Variants in TENM1 observed in about 807,000 individuals in gnomAD.
TENM1 encodes the protein teneurin transmembrane protein 1, also known as teneurin-1.
A neutral mutation model predicts 174.8 loss-of-function variants in TENM1; 35 were observed. That is an observed-to-expected ratio of 0.20 (90% CI 0.15 to 0.27). The LOEUF (loss-of-function observed/expected upper bound fraction) is 0.27. Ranked by LOEUF, TENM1 falls within the 10% of genes least tolerant of loss-of-function variation. The probability of loss-of-function intolerance (pLI) is 1.00; values close to 1 mark genes in which losing one functional copy is unlikely to be tolerated. For missense variants in TENM1, 1,633 were observed against 2,130.1 expected (o/e 0.77, Z 4.59); for synonymous variants, 781 against 798.7 (o/e 0.98, Z 0.37).
At chrX:124,617,083 T>C (rs2050414709) in intron 11 of TENM1, among the ~76,000 whole-genome samples, 1 of 112,255 alleles carries the variant, frequency 8.9e-6, no homozygotes, top group Non-Finnish European at 1.9e-5. Context: ...GCTGTTTTTA[T>C]AATTTTAAAA....
intron 30 of TENM1, among the ~76,000 whole-genome samples, chrX:124,383,227 G>A (rs781605767): frequency 1.8e-5 from 2 of 110,998 alleles, no homozygotes; most frequent in East Asian, 2.8e-4. Flanking sequence ...TTACAGGTGT[G>A]AGCCACCGCA....
In TENM1 at chrX:124,836,881, C is replaced by T. The variant is rs184318561; in HGVS notation, c.535+57415G>A. On this transcript the variant is annotated intron_variant, in intron 3 of 31. Transcript: ENST00000422452. ...TTTTTTGAGTTTGGTTCTTTACTGT[C>T]GCTCTCACAGTATATGTTTTGGATC... Among the ~76,000 whole-genome samples the T allele has an allele frequency of 6.3e-5, 7 of 111,738 alleles. No homozygotes were observed. The East Asian group carries it at 2.0e-3, about 32-fold the overall frequency.
the TENM1 span, among the ~76,000 whole-genome samples, chrX:125,107,346 G>C: frequency 8.9e-6 from 1 of 112,473 alleles, no homozygotes; most frequent in South Asian, 3.6e-4. Flanking sequence ...GTTTCCTTCA[G>C]AAATTTAAAG....
intron 25 of TENM1, among the ~76,000 whole-genome samples, chrX:124,410,444 T>G (rs1389913863): frequency 1.8e-5 from 2 of 111,713 alleles, no homozygotes; most frequent in African/African-American, 6.5e-5. Context: ...GCATTACCAT[T>G]CAGGACATAG....
intron 23 of TENM1, among the ~76,000 whole-genome samples, chrX:124,449,478 A>T (rs2061004295): frequency 8.9e-6 from 1 of 112,561 alleles, no homozygotes; most frequent in Admixed American, 9.4e-5. Flanking sequence ...TCTTTTCAAC[A>T]TAACTTTTCT....
intron 3 of TENM1, among the ~76,000 whole-genome samples, chrX:124,750,600 A>T (rs1381501766): frequency 8.9e-6 from 1 of 111,948 alleles, no homozygotes; most frequent in African/African-American, 3.2e-5. Flanking sequence ...AAGAATGTGT[A>T]ATTTTTAAAG....
At chrX:124,453,600 A>G (rs1881284739) in intron 22 of TENM1, 109 bp from the exon 26 acceptor site, 1 of 746,202 alleles carries the variant, frequency 1.3e-6, no homozygotes, top group African/African-American at 2.1e-5. Flanking sequence ...AAAGACATAT[A>G]GATTCAATTT....
the TENM1 span, among the ~76,000 whole-genome samples, chrX:125,045,662 C>G: frequency 8.9e-6 from 1 of 111,788 alleles, no homozygotes; most frequent in East Asian, 2.8e-4. Context: ...GCCAGTTAGG[C>G]ATAACACTTC....
chrX:124,789,461 A>T (rs1326892631), intron 3 of TENM1, among the ~76,000 whole-genome samples: 1 of 111,351 alleles, frequency 9.0e-6, no homozygotes, highest in African/African-American at 3.3e-5. Context: ...CAGGCTGCAA[A>T]TTTTCTGAAC....
chrX:124,716,996 C>T (rs992201416), intron 4 of TENM1, among the ~76,000 whole-genome samples: 1 of 110,830 alleles, frequency 9.0e-6, no homozygotes, highest in Non-Finnish European at 1.9e-5. Context: ...CTCCTCCAAG[C>T]AAATTTTCCT....
the TENM1 span, among the ~76,000 whole-genome samples, chrX:125,089,210 T>G: frequency 4.5e-5 from 5 of 111,894 alleles, no homozygotes; most frequent in Non-Finnish European, 9.4e-5. Flanking sequence ...GGGTCATTTT[T>G]ACGGTTAAAG....
At chrX:124,549,833 G>C (rs1275971836) in intron 14 of TENM1, among the ~76,000 whole-genome samples, 2 of 110,465 alleles carry the variant, frequency 1.8e-5, no homozygotes, top group Non-Finnish European at 3.8e-5. Flanking sequence ...ACCCCATATA[G>C]TACGTCTAGA....
intron 3 of TENM1, among the ~76,000 whole-genome samples, chrX:124,765,324 G>A (rs923026380): frequency 1.5e-4 from 17 of 111,719 alleles, no homozygotes; most frequent in Non-Finnish European, 2.8e-4. Context: ...TCGTGCAATC[G>A]TCCAACAGGC....
chrX:124,627,311 AC>A (rs1256780247), intron 11 of TENM1, among the ~76,000 whole-genome samples: 1 of 112,219 alleles, frequency 8.9e-6, no homozygotes, highest in Non-Finnish European at 1.9e-5. Context: ...GCAGAGAAAA[AC>A]AAACAAAAAA....
At chrX:124,924,929 C>A (rs768298552) in intron 1 of TENM1, among the ~76,000 whole-genome samples, 1 of 110,160 alleles carries the variant, frequency 9.1e-6, no homozygotes, top group South Asian at 4.1e-4. Flanking sequence ...GATATCCTGG[C>A]CATAGAGGCT....
At chrX:124,862,393 AC>A (rs1349750406) in intron 3 of TENM1, among the ~76,000 whole-genome samples, 3 of 110,405 alleles carry the variant, frequency 2.7e-5, no homozygotes, top group Non-Finnish European at 3.8e-5. Flanking sequence ...AATTACCAAT[AC>A]CCCCCTCCCC....
chrX:124,459,403 T>A (rs927663300), intron 22 of TENM1, among the ~76,000 whole-genome samples: 1 of 111,044 alleles, frequency 9.0e-6, no homozygotes, highest in Non-Finnish European at 1.9e-5. Context: ...CTAATGTAAT[T>A]TTTTAGATGA....
chrX:124,534,992 A>T lies in TENM1; in HGVS notation c.2652-5009T>A, dbSNP rs138480606. On this transcript the variant is annotated intron_variant, in intron 15 of 31. Coordinates refer to ENST00000422452, the Ensembl canonical transcript of TENM1. ...AAGGGTTTGTGATGTTCCTGTTACC[A>T]CTGCCATCACATAGTGAATAAAGGG... Among the ~76,000 whole-genome samples the T allele has an allele frequency of 1.8e-4, 20 of 111,919 alleles. No individual in the cohort carries two copies. The East Asian group carries it at 5.4e-3, about 30-fold the overall frequency.
chrX:124,807,703 A>G (rs972452578), intron 3 of TENM1, among the ~76,000 whole-genome samples: 9 of 109,300 alleles, frequency 8.2e-5, no homozygotes, highest in Non-Finnish European at 1.7e-4. Flanking sequence ...GAGTGCAGTA[A>G]AAGTGTAGAG....
Sources: gnomAD v4.1 joint callset for allele counts (sites outside exome capture counted in the v4.1 genomes callset) on GRCh38, gnomAD v4.1.1 for gene constraint, MANE v1.5 for transcripts, NCBI Gene and HGNC (gene_info 2026-07-23, HGNC 2026-07-21) for gene names.